LRMDA: variants seen among roughly 807,000 people sequenced by gnomAD.
LRMDA encodes leucine-rich melanocyte differentiation-associated protein.
A neutral mutation model predicts 29.8 loss-of-function variants in LRMDA; 18 were observed. That is an observed-to-expected ratio of 0.60 (90% CI 0.42 to 0.90). The LOEUF (loss-of-function observed/expected upper bound fraction) is 0.90. LRMDA is among the 40% of genes least tolerant of loss of function. The pLI is 0.00. For synonymous variants in LRMDA, 125 were observed against 109.4 expected (o/e 1.14, Z -0.89); for missense variants, 273 against 273.9 (o/e 1.00, Z 0.02).
intron 6 of LRMDA, among the ~76,000 whole-genome samples, chr10:76,439,105 G>A (rs1340610915): frequency 6.6e-6 from 1 of 152,122 alleles, no homozygotes; most frequent in Non-Finnish European, 1.5e-5. Flanking sequence ...TGGCTGCTTA[G>A]TCCATTAATA....
intron 6 of LRMDA, among the ~76,000 whole-genome samples, chr10:76,526,215 A>G (rs1843172971): frequency 6.6e-6 from 1 of 152,204 alleles, no homozygotes; most frequent in Non-Finnish European, 1.5e-5. Context: ...ATAGTGACTG[A>G]AATGCATAGG....
chr10:76,557,351 AAAG>A lies in LRMDA; in HGVS notation c.*66_*68del. On this transcript the variant is annotated 3_prime_UTR_variant, in exon 7 of 7. Coordinates refer to ENST00000611255, the MANE Select transcript of LRMDA (RefSeq NM_001305581.2). Reference sequence around the variant, plus strand: ...TAAAATCAAAAGGGAAATCAAAAATAAAGAAAACGCTAAAGAAAAAACAATAGC... The same window carrying A: ...TAAAATCAAAAGGGAAATCAAAAATAAAAACGCTAAAGAAAAAACAATAGC... The A allele has an allele frequency of 2.9e-6, 4 of 1,356,354 alleles. No homozygotes were observed. The highest frequency in any genetic ancestry group is 4.2e-6 in the Non-Finnish European group (4 of 952,802). The allele number at this position is 1,356,354 out of a possible 1,614,324, so 84.0% of individuals were successfully genotyped here. A position where few individuals can be genotyped will look rare whatever the true frequency, so the allele number is the denominator to read the frequency against.
chr10:75,708,663 AAAAAAATCCCACCTC>A (rs1842399813), intron 2 of LRMDA, among the ~76,000 whole-genome samples: 1 of 152,178 alleles, frequency 6.6e-6, no homozygotes, highest in Non-Finnish European at 1.5e-5. Context: ...GCTCAATTAA[AAAAAAATCCCACCTC>A]AAAAATGTTA....
intron 2 of LRMDA, among the ~76,000 whole-genome samples, chr10:75,690,723 T>TGAGGAGGGAG (rs1842134097): frequency 6.6e-6 from 1 of 151,842 alleles, no homozygotes; most frequent in African/African-American, 2.4e-5. Context: ...TTTGGGAAAC[T>TGAGGAGGGAG]GAGGAGGGAG....
intron 2 of LRMDA, among the ~76,000 whole-genome samples, chr10:75,492,799 A>G (rs4745779): frequency 0.21 from 32,121 of 152,196 alleles, 3,438 homozygotes; most frequent in Middle Eastern, 0.23. Context: ...ATGTGCATTT[A>G]ATCAACTTTT....
intron 2 of LRMDA, among the ~76,000 whole-genome samples, chr10:75,593,958 C>T (rs1384447090): frequency 1.3e-5 from 2 of 152,206 alleles, no homozygotes; most frequent in Non-Finnish European, 2.9e-5. Context: ...GCCTGGTGCC[C>T]TGCAGTGTGT....
At chr10:76,358,858 T>C (rs773758405) in intron 6 of LRMDA, among the ~76,000 whole-genome samples, 13 of 152,248 alleles carry the variant, frequency 8.5e-5, no homozygotes, top group East Asian at 1.9e-4. Flanking sequence ...ATAGTAGGCA[T>C]TGGAAATATC....
In LRMDA at chr10:76,253,520, G is replaced by GGA. The variant is rs60609129; in HGVS notation, c.517-70860_517-70859dup. On this transcript the variant is annotated intron_variant, in intron 5 of 6. Coordinates refer to ENST00000611255, the MANE Select transcript of LRMDA (RefSeq NM_001305581.2). Reference sequence around the variant, plus strand: ...GAGAAAGGGAGTGGAGAAGAGAGGGGGAGAGAGAGAGAGAGAGAGAGATTG... The same window carrying GGA: ...GAGAAAGGGAGTGGAGAAGAGAGGGGGAGAGAGAGAGAGAGAGAGAGAGATTG... Among the ~76,000 whole-genome samples the GGA allele has an allele frequency of 3.1e-3, 466 of 148,082 alleles. 2 individuals carry two copies. Among genetic ancestry groups the GGA allele is most frequent in the East Asian group, 6.3e-3 (32 of 5,066 alleles).
At chr10:76,288,334 C>T (rs11596762) in intron 5 of LRMDA, among the ~76,000 whole-genome samples, 4,411 of 152,154 alleles carry the variant, frequency 0.029, 89 homozygotes, top group Non-Finnish European at 0.045. Flanking sequence ...GACACATGCA[C>T]GTGTGTGTTC....
At chr10:76,272,808 C>T (rs567290633) in intron 5 of LRMDA, among the ~76,000 whole-genome samples, 8 of 152,122 alleles carry the variant, frequency 5.3e-5, no homozygotes, top group South Asian at 2.1e-4. Context: ...AAAGGAGAAG[C>T]GACACACAAC....
intron 2 of LRMDA, among the ~76,000 whole-genome samples, chr10:75,844,677 C>T (rs1465718438): frequency 6.6e-6 from 1 of 152,190 alleles, no homozygotes; most frequent in East Asian, 1.9e-4. Flanking sequence ...CCTTAGGTCG[C>T]ACTACTCTCC....
chr10:75,901,076 A>G (rs867366537), intron 2 of LRMDA, among the ~76,000 whole-genome samples: 1 of 152,214 alleles, frequency 6.6e-6, no homozygotes, highest in African/African-American at 2.4e-5. Flanking sequence ...AAAGAGAGAG[A>G]GGGAGACAGA....
intron 2 of LRMDA, among the ~76,000 whole-genome samples, chr10:75,587,323 G>T (rs764299637): frequency 1.3e-5 from 2 of 151,844 alleles, no homozygotes; most frequent in Non-Finnish European, 2.9e-5. Flanking sequence ...CCAGGGTTGC[G>T]TTTTTTTGTT....
At chr10:76,315,775 C>T (rs1840688519) in intron 5 of LRMDA, among the ~76,000 whole-genome samples, 1 of 151,968 alleles carries the variant, frequency 6.6e-6, no homozygotes, top group African/African-American at 2.4e-5. Context: ...AGCCTGGGGG[C>T]CGGGCTGCCA....
At chr10:76,077,066 C>T (rs1421748603) in intron 5 of LRMDA, among the ~76,000 whole-genome samples, 1 of 152,080 alleles carries the variant, frequency 6.6e-6, no homozygotes, top group African/African-American at 2.4e-5. Flanking sequence ...ATCTTCAAAC[C>T]ACCAGTTCTT....
intron 2 of LRMDA, among the ~76,000 whole-genome samples, chr10:75,765,115 G>T (rs1231851966): frequency 6.6e-6 from 1 of 152,122 alleles, no homozygotes; most frequent in Admixed American, 6.5e-5. Flanking sequence ...TACTTTTTCA[G>T]TTGTCACTCA....
intron 5 of LRMDA, among the ~76,000 whole-genome samples, chr10:76,320,823 G>T (rs759561232): frequency 1.4e-4 from 22 of 152,146 alleles, no homozygotes; most frequent in Non-Finnish European, 2.9e-4. Flanking sequence ...CTACTACACT[G>T]CCCCTTGGCA....
At chr10:75,983,034 G>C (rs1847200529) in intron 2 of LRMDA, among the ~76,000 whole-genome samples, 1 of 152,218 alleles carries the variant, frequency 6.6e-6, no homozygotes, top group African/African-American at 2.4e-5. Flanking sequence ...TGTAAATGTA[G>C]ATAGGGTCTG....
chr10:75,661,239 C>T (rs568283878), intron 2 of LRMDA, among the ~76,000 whole-genome samples: 1 of 152,178 alleles, frequency 6.6e-6, no homozygotes, highest in Non-Finnish European at 1.5e-5. Context: ...CCCAGAAAGG[C>T]CTCTGCTAGG....
Sources: allele counts gnomAD v4.1 joint callset (sites outside exome capture counted in the v4.1 genomes callset), GRCh38; gene constraint gnomAD v4.1.1; transcripts MANE v1.5; gene names NCBI Gene and HGNC (gene_info 2026-07-23, HGNC 2026-07-21).